The following TIMM21 variants were observed in gnomAD, a reference collection of about 807,000 sequenced individuals.
TIMM21 encodes the protein translocase of inner mitochondrial membrane 21, also known as mitochondrial import inner membrane translocase subunit Tim21.
In TIMM21, 30 loss-of-function variants were observed where a neutral mutation model predicts 27.7. The ratio of observed to expected loss-of-function variants is 1.08; its 90% CI spans 0.81 to 1.47. The LOEUF is 1.47. TIMM21 is among the 40% of genes most tolerant of loss of function. The pLI is 0.00. For missense variants in TIMM21, 292 were observed against 302.9 expected, an observed-to-expected ratio of 0.96 and a Z score of 0.27; for synonymous variants, 121 against 114.4, an observed-to-expected ratio of 1.06 and a Z score of -0.37.
Position 74,155,340 on chromosome 18 carries a change from T to C in TIMM21, c.399T>C (p.Phe133=), listed in dbSNP as rs373827582. ...TTTACACGATTTTCAAAGAACTTTT[T>C]TCTTCATCCAGTCCTAGCAAGATAT... ...GLFYTIFKEL[F]SSSSPSKIYG... is the part of the protein sequence containing the mutation. The change falls in exon 3 of 6, where the codon TTT becomes TTC. Residue 133 remains phenylalanine (F), a synonymous_variant. Transcript: ENST00000169551. 1 of 1,613,684 alleles carries C rather than the reference T, an allele frequency of 6.2e-7. No homozygotes were observed. Among genetic ancestry groups the C allele is most frequent in the Non-Finnish European group, 8.5e-7 (1 of 1,179,934 alleles).
At position 74,155,393 on chromosome 18, in the gene TIMM21, C is replaced by G. The variant is rs968687839; in HGVS notation, c.452C>G (p.Ser151Ter). ...GGGAGAGCCTTAGAAAAATGCAGAT[C>G]ACATCCTGAGGTTAGTTCTCAAGAT... ...IYGRALEKCR[S>*]HPEVIGVFGE... Residue 151 changes from serine (S) to a stop codon, truncating the protein, a stop_gained, in exon 3 of 6, where the codon TCA (serine) becomes TGA (stop). Transcript: ENST00000169551. LOFTEE classifies it high-confidence loss of function. The G allele has an allele frequency of 6.2e-7, 1 of 1,610,806 alleles. No individual in the cohort carries two copies. Among genetic ancestry groups the G allele is most frequent in the South Asian group, 1.1e-5 (1 of 89,954 alleles).
chr18:74,148,678 GT>G lies in TIMM21; in HGVS notation c.-126del, dbSNP rs1979677243. On this transcript the variant is annotated 5_prime_UTR_variant, in exon 1 of 6. Coordinates refer to ENST00000169551, the MANE Select transcript of TIMM21 (RefSeq NM_014177.3). The stretch of plus-strand genomic sequence containing the variant: ...TTTCATTTACGCTGCGGAAACTGAC[GT>G]TTTTGCCTAACACCCCATGTAATGT... 2 of 889,274 alleles carry G rather than the reference GT, an allele frequency of 2.2e-6. No individual in the cohort carries two copies. The highest frequency in any genetic ancestry group is 2.4e-5 in the Admixed American group (1 of 42,432). 55.1% of individuals were successfully genotyped at this position (889,274 alleles called of 1,614,324 possible).
rs757636845 is a variant in TIMM21 at position 74,158,088 on chromosome 18, G to A, written c.536+1G>A. 9 of 1,613,968 alleles carry A rather than the reference G, an allele frequency of 5.6e-6. No homozygotes were observed. The African/African-American group carries it at 9.3e-5, about 17-fold the overall frequency. On this transcript the variant is annotated splice_donor_variant, in intron 4 of 5. Coordinates refer to ENST00000169551, the MANE Select transcript of TIMM21 (RefSeq NM_014177.3). LOFTEE classifies it high-confidence loss of function. ...GGCGGGGTCGCCGGCAGCATGTCAG[G>A]TACTGTGGCTTGAATTCAGAGGAGG...
chr18:74,153,761 C>T (rs1979872684), intron 1 of TIMM21, among the ~76,000 whole-genome samples: 1 of 152,200 alleles, frequency 6.6e-6, no homozygotes, highest in South Asian at 2.1e-4. Context: ...TAGCTAAATA[C>T]TTCTTTTAAA....
rs56051572 is a variant in TIMM21, at chr18:74,152,093, C to T, written c.301+2984C>T. Among the ~76,000 whole-genome samples, 10,894 of 152,152 alleles carry T rather than the reference C, an allele frequency of 0.072. 593 individuals are homozygous for T. Among genetic ancestry groups the T allele is most frequent in the Admixed American group, 0.17 (2,669 of 15,278 alleles). On this transcript the variant is annotated intron_variant, in intron 1 of 5. Coordinates refer to ENST00000169551, the MANE Select transcript of TIMM21 (RefSeq NM_014177.3). This position sits in a 1 kb window ranked among gnomAD's most constrained non-coding sequence, Gnocchi z 4.1. ...TAGGCAGAAACCCCCACCCACCCCT[C>T]GCCCAGTTTCCAAGGTGGAGGAAGT...
chr18:74,151,678 A>G (rs767816321), intron 1 of TIMM21, among the ~76,000 whole-genome samples: 4 of 152,048 alleles, frequency 2.6e-5, no homozygotes, highest in African/African-American at 9.7e-5. Flanking sequence ...TCTTATATCT[A>G]TGGTAGCATC....
At chr18:74,151,944 C>CA (rs76421403) in intron 1 of TIMM21, among the ~76,000 whole-genome samples, 3 of 144,688 alleles carry the variant, frequency 2.1e-5, no homozygotes, top group East Asian at 2.0e-4. Context: ...TGTTCCCCCC[C>CA]CCCCCGGGGG....
In TIMM21 at chr18:74,155,212, C is replaced by CA. The variant is rs774540480; in HGVS notation, c.364+11dup. On this transcript the variant is annotated splice_donor_region_variant and intron_variant, in intron 2 of 5. Coordinates refer to ENST00000169551, the MANE Select transcript of TIMM21 (RefSeq NM_014177.3). The stretch of plus-strand genomic sequence containing the variant: ...TTTTTGGAATCAGCATTACAGGTTG[C>CA]AAAAAACAGCAAGTATAAGCCCTTG... 1.9e-6 allele frequency: 3 copies of CA among 1,613,700 alleles called. No individual in the cohort carries two copies. Among genetic ancestry groups the CA allele is most frequent in the Non-Finnish European group, 2.5e-6 (3 of 1,179,856 alleles).
At chr18:74,149,179 C>G in intron 1 of TIMM21, 70 bp downstream of exon 1, 1 of 1,499,990 alleles carries the variant, frequency 6.7e-7, no homozygotes, top group Non-Finnish European at 9.0e-7. Flanking sequence ...CCTTTTATAC[C>G]AAGTTCACTG....
Position 74,151,946 on chromosome 18 carries a change from C to CG in TIMM21, c.301+2837_301+2838insG, listed in dbSNP as rs896482172. Reference sequence around the variant, plus strand: ...GCAGTGGTGTCTATGTTCCCCCCCCCCCCGGGGGGACCTCCAGCTCCTTCC... The same window carrying CG: ...GCAGTGGTGTCTATGTTCCCCCCCCCGCCCGGGGGGACCTCCAGCTCCTTCC... On this transcript the variant is annotated intron_variant, in intron 1 of 5. Coordinates refer to ENST00000169551, the MANE Select transcript of TIMM21 (RefSeq NM_014177.3). 4.3e-5 allele frequency among the ~76,000 whole-genome samples: 6 copies of CG among 140,666 alleles called. No individual in the cohort carries two copies. In the East Asian group the frequency reaches 8.0e-4, roughly 19 times the overall value. The allele number at this position is 140,666 out of a possible 152,430, so 92.3% of individuals were successfully genotyped here. A position where few individuals can be genotyped will look rare whatever the true frequency, so the allele number is the denominator to read the frequency against.
intron 3 of TIMM21, among the ~76,000 whole-genome samples, chr18:74,155,750 G>A (rs148084778): frequency 5.9e-5 from 9 of 152,270 alleles, no homozygotes; most frequent in Non-Finnish European, 1.0e-4. Context: ...GACACTTACC[G>A]AAAATGTGTC....
rs553191760 is a variant in TIMM21 at position 74,158,074 on chromosome 18, C to T, written c.523C>T (p.Arg175Trp). The change falls in exon 4 of 6, where the codon CGG (arginine) becomes TGG (tryptophan). Residue 175 changes from arginine to tryptophan, a missense_variant. By Grantham distance (101) the Arg-to-Trp change is moderately radical. Coordinates refer to ENST00000169551, the MANE Select transcript of TIMM21 (RefSeq NM_014177.3). ...GYGEVTRRGRRQHVRFTEYVK... is the reference protein window; with the variant it reads ...GYGEVTRRGRWQHVRFTEYVK... Reference sequence around the variant, plus strand: ...TGGGGAGGTGACAAGGCGGGGTCGCCGGCAGCATGTCAGGTACTGTGGCTT... The same window carrying T: ...TGGGGAGGTGACAAGGCGGGGTCGCTGGCAGCATGTCAGGTACTGTGGCTT... 1.7e-5 allele frequency: 28 copies of T among 1,614,116 alleles called. No homozygotes were observed. Among genetic ancestry groups the T allele is most frequent in the African/African-American group, 1.3e-4 (10 of 75,026 alleles).
rs74632095 is a variant in TIMM21 at position 74,151,944 on chromosome 18, C to A, written c.301+2835C>A. On this transcript the variant is annotated intron_variant, in intron 1 of 5. Coordinates refer to ENST00000169551, the MANE Select transcript of TIMM21 (RefSeq NM_014177.3). ...AAGCAGTGGTGTCTATGTTCCCCCCCCCCCCGGGGGGACCTCCAGCTCCTT... is the reference window on the plus strand; with the variant it reads ...AAGCAGTGGTGTCTATGTTCCCCCCACCCCCGGGGGGACCTCCAGCTCCTT... 8.3e-5 allele frequency among the ~76,000 whole-genome samples: 12 copies of A among 144,688 alleles called. 1 individual carries two copies. The highest frequency in any genetic ancestry group is 2.0e-4 in the East Asian group (1 of 4,924). 94.9% of individuals were successfully genotyped at this position (144,688 alleles called of 152,430 possible).
At chr18:74,151,143 C>T (rs141385220) in intron 1 of TIMM21, among the ~76,000 whole-genome samples, 85 of 152,304 alleles carry the variant, frequency 5.6e-4, no homozygotes, top group African/African-American at 2.0e-3. Context: ...TCACTGTCAG[C>T]ACAGACTATG....
In TIMM21 at chr18:74,160,062, T is replaced by G. The variant is rs1980060293; in HGVS notation, c.*1582T>G. ...GGCCAGGCGAGGTGGCTCATGCCTATAATCCCAGCACTTTGGGAGGCTGAG... is the reference window on the plus strand; with the variant it reads ...GGCCAGGCGAGGTGGCTCATGCCTAGAATCCCAGCACTTTGGGAGGCTGAG... On this transcript the variant is annotated 3_prime_UTR_variant, in exon 6 of 6. Transcript: ENST00000169551. 1 of 152,148 alleles carries G rather than the reference T, an allele frequency of 6.6e-6. No individual in the cohort carries two copies. Among genetic ancestry groups the G allele is most frequent in the Non-Finnish European group, 1.5e-5 (1 of 68,090 alleles). The allele number at this position is 152,148 out of a possible 1,614,324, so 9.4% of individuals were successfully genotyped here.
At position 74,152,353 on chromosome 18, in the gene TIMM21, G is replaced by A. The variant is rs1459242786; in HGVS notation, c.302-2792G>A. 6.6e-6 allele frequency among the ~76,000 whole-genome samples: 1 copy of A among 152,116 alleles called. No individual in the cohort carries two copies. Among genetic ancestry groups the A allele is most frequent in the Non-Finnish European group, 1.5e-5 (1 of 68,026 alleles). On this transcript the variant is annotated intron_variant, in intron 1 of 5. Transcript: ENST00000169551. This position sits in a 1 kb window ranked among gnomAD's most constrained non-coding sequence, Gnocchi z 4.1. ...CCCACGCATTTTCTATCCTCTGGGT[G>A]CAATTTGAGTCTTGTTCTGCCGGGG... is the stretch of plus-strand genomic sequence containing the variant.
In TIMM21 at chr18:74,158,633, C is replaced by A; in HGVS notation, c.*153C>A. Reference sequence around the variant, plus strand: ...ATTTGTTGCATTTAAACAAACTAGACATTTTCTTACGGAAAAATTATGAAA... The same window carrying A: ...ATTTGTTGCATTTAAACAAACTAGAAATTTTCTTACGGAAAAATTATGAAA... On this transcript the variant is annotated 3_prime_UTR_variant, in exon 6 of 6. Coordinates refer to ENST00000169551, the MANE Select transcript of TIMM21 (RefSeq NM_014177.3). 1 of 584,226 alleles carries A rather than the reference C, an allele frequency of 1.7e-6. No homozygotes were observed. The highest frequency in any genetic ancestry group is 3.6e-5 in the Admixed American group (1 of 27,698). The allele number at this position is 584,226 out of a possible 1,614,324, so 36.2% of individuals were successfully genotyped here.
chr18:74,155,396 A>G lies in TIMM21; in HGVS notation c.455A>G (p.His152Arg), dbSNP rs1979925126. The change falls in exon 3 of 6, where the codon CAT becomes CGT. Residue 152 changes from histidine to arginine, a missense_variant. By Grantham distance (29) the His-to-Arg change is conservative. Transcript: ENST00000169551. ...AGAGCCTTAGAAAAATGCAGATCACATCCTGAGGTTAGTTCTCAAGATTGA... is the reference window on the plus strand; with the variant it reads ...AGAGCCTTAGAAAAATGCAGATCACGTCCTGAGGTTAGTTCTCAAGATTGA... ...YGRALEKCRS[H>R]PEVIGVFGES... 1.2e-6 allele frequency: 2 copies of G among 1,609,520 alleles called. No homozygotes were observed. The highest frequency in any genetic ancestry group is 1.7e-4 in the Middle Eastern group (1 of 6,006).
chr18:74,149,112 A>G lies in TIMM21; in HGVS notation c.301+3A>G, dbSNP rs763205947. ...CGCCGTCCCAACATCACAAAAAGGT[A>G]AAAAGGAGTACTTTAATGATTGGGC... is the stretch of plus-strand genomic sequence containing the variant. On this transcript the variant is annotated splice_donor_region_variant and intron_variant, in intron 1 of 5. Coordinates refer to ENST00000169551, the MANE Select transcript of TIMM21 (RefSeq NM_014177.3). 8 of 1,606,324 alleles carry G rather than the reference A, an allele frequency of 5.0e-6. No homozygotes were observed. The highest frequency in any genetic ancestry group is 6.8e-6 in the Non-Finnish European group (8 of 1,174,990).
Sources: allele counts gnomAD v4.1 joint callset (sites outside exome capture counted in the v4.1 genomes callset), GRCh38; gene constraint gnomAD v4.1.1; non-coding constraint Gnocchi (gnomAD v3.1); transcripts MANE v1.5; gene names NCBI Gene and HGNC (gene_info 2026-07-23, HGNC 2026-07-21).